The following PHAF1 variants were observed in gnomAD, a reference collection of about 807,000 sequenced individuals.
PHAF1 encodes phagophore assembly factor 1.
Under a neutral mutation model 63.1 loss-of-function variants are expected in PHAF1, and 23 were observed. That is an observed-to-expected ratio of 0.36 (90% confidence interval 0.26 to 0.52). PHAF1 has a LOEUF of 0.52. PHAF1 is among the 20% of genes least tolerant of loss of function. PHAF1 has a pLI of 0.93. For synonymous variants in PHAF1, 167 were observed against 185.0 expected, an observed-to-expected ratio of 0.90 and a Z score of 0.79; for missense variants, 427 against 517.2, an observed-to-expected ratio of 0.83 and a Z score of 1.69.
In PHAF1 at chr16:67,126,593, TGG is replaced by T. The variant is rs1491293924; in HGVS notation, c.231+552_231+553del. 4.8e-3 allele frequency among the ~76,000 whole-genome samples: 705 copies of T among 147,392 alleles called. 4 individuals carry two copies. Among genetic ancestry groups the T allele is most frequent in the African/African-American group, 0.016 (632 of 39,132 alleles). On this transcript the variant is annotated intron_variant, in intron 3 of 15. Coordinates refer to ENST00000219139, the MANE Select transcript of PHAF1 (RefSeq NM_025187.5). The stretch of plus-strand genomic sequence containing the variant: ...GTCTGGTTTTCTTTGTTTTTGTTTT[TGG>T]TTTTTTTTTTTTTTTTTGAGATGAG...
chr16:67,116,229 T>C (rs936191880), intron 1 of PHAF1, among the ~76,000 whole-genome samples: 4 of 152,216 alleles, frequency 2.6e-5, no homozygotes, highest in Admixed American at 1.3e-4. Context: ...CCAGGTTTTA[T>C]GCTATGGAAG....
chr16:67,111,054 TC>T (rs1459630397), intron 1 of PHAF1, among the ~76,000 whole-genome samples: 2 of 152,210 alleles, frequency 1.3e-5, no homozygotes, highest in Non-Finnish European at 2.9e-5. Flanking sequence ...GACCTCGTGA[TC>T]CGCCCACCTC....
At chr16:67,128,135 C>T (rs148265335) in intron 3 of PHAF1, among the ~76,000 whole-genome samples, 5 of 152,140 alleles carry the variant, frequency 3.3e-5, no homozygotes, top group East Asian at 1.9e-4. Context: ...GCAAGAAAAC[C>T]GAGGGACAGA....
At chr16:67,113,831 T>A (rs185160631) in intron 1 of PHAF1, among the ~76,000 whole-genome samples, 1 of 150,642 alleles carries the variant, frequency 6.6e-6, no homozygotes, top group East Asian at 2.0e-4. Context: ...TCACTGCAAC[T>A]TCTGCCTCTT....
rs928362304 is a variant in PHAF1, at chr16:67,120,025, T to C, written c.65-87T>C. 3 of 1,110,104 alleles carry C rather than the reference T, an allele frequency of 2.7e-6. No individual in the cohort carries two copies. The African/African-American group carries it at 4.7e-5, about 17-fold the overall frequency. 68.8% of individuals were successfully genotyped at this position (1,110,104 alleles called of 1,614,324 possible). A position where few individuals can be genotyped will look rare whatever the true frequency, so the allele number is the denominator to read the frequency against. The stretch of plus-strand genomic sequence containing the variant: ...GTAGCCCCCAAACATCCCCAGGCTT[T>C]ACTGCAGGGACCAGTGCCTAGTGAA... On this transcript the variant is annotated intron_variant, in intron 1 of 15. Transcript: ENST00000219139.
At chr16:67,119,122 A>C (rs1962873397) in intron 1 of PHAF1, among the ~76,000 whole-genome samples, 1 of 152,134 alleles carries the variant, frequency 6.6e-6, no homozygotes, top group Non-Finnish European at 1.5e-5. Flanking sequence ...ATGTACTCTA[A>C]TAGGCCTTCA....
chr16:67,114,881 G>A (rs1317903633), intron 1 of PHAF1, among the ~76,000 whole-genome samples: 1 of 152,204 alleles, frequency 6.6e-6, no homozygotes, highest in Admixed American at 6.5e-5. Context: ...TATGATGTTG[G>A]ACATAGATAT....
intron 14 of PHAF1, among the ~76,000 whole-genome samples, chr16:67,145,837 G>T (rs1472977665): frequency 6.6e-6 from 1 of 152,208 alleles, no homozygotes; most frequent in Non-Finnish European, 1.5e-5. Context: ...CCCAGGGGTA[G>T]CTCCCCTCTC....
rs1295315048 is a variant in PHAF1 at position 67,110,233 on chromosome 16, A to T, written c.58A>T (p.Thr20Ser). Residue 20 changes from threonine (T) to serine (S), a missense_variant, in exon 1 of 16, where the codon ACG becomes TCG. Coordinates refer to ENST00000219139, the MANE Select transcript of PHAF1 (RefSeq NM_025187.5). ...TCTGGGGAACGAGCAATGGGAATTCACGCTGGGTGAGTTTGGGGTCCTCTG... is the reference window on the plus strand; with the variant it reads ...TCTGGGGAACGAGCAATGGGAATTCTCGCTGGGTGAGTTTGGGGTCCTCTG... Reference protein sequence around the residue: ...RSLGNEQWEFTLGMPLAQAVA... With the variant: ...RSLGNEQWEFSLGMPLAQAVA... 1.3e-6 allele frequency: 2 copies of T among 1,552,130 alleles called. No individual in the cohort carries two copies. The highest frequency in any genetic ancestry group is 3.9e-5 in the Admixed American group (2 of 51,056).
intron 1 of PHAF1, among the ~76,000 whole-genome samples, chr16:67,119,606 C>T (rs1216021426): frequency 3.3e-5 from 5 of 151,472 alleles, no homozygotes; most frequent in East Asian, 1.9e-4. Context: ...CTGCAACCTC[C>T]GCCTCCTGGG....
rs2145881714 is a variant in PHAF1, at chr16:67,140,201, A to G, written c.795+84A>G. ...AGTATAAACTGTTTGCTATTTTCCC[A>G]TAGAACTTGTTCTAAGTAAAGCTAA... On this transcript the variant is annotated intron_variant, in intron 9 of 15. Coordinates refer to ENST00000219139, the MANE Select transcript of PHAF1 (RefSeq NM_025187.5). 3 of 1,482,850 alleles carry G rather than the reference A, an allele frequency of 2.0e-6. No homozygotes were observed. In the East Asian group the frequency reaches 7.0e-5, roughly 35 times the overall value. The allele number at this position is 1,482,850 out of a possible 1,614,324, so 91.9% of individuals were successfully genotyped here.
chr16:67,131,202 C>CT, intron 3 of PHAF1, 84 bp from the exon 4 acceptor site: 1 of 198,426 alleles, frequency 5.0e-6, no homozygotes. Context: ...TTTTTTTTTA[C>CT]TATTTATTCT....
chr16:67,143,165 C>T (rs912246198), intron 10 of PHAF1, among the ~76,000 whole-genome samples: 1 of 152,156 alleles, frequency 6.6e-6, no homozygotes, highest in Non-Finnish European at 1.5e-5. Context: ...CTGACTCCCA[C>T]AGAGGGTGTA....
intron 10 of PHAF1, among the ~76,000 whole-genome samples, chr16:67,143,114 C>G (rs889577669): frequency 9.9e-5 from 15 of 152,248 alleles, no homozygotes; most frequent in Admixed American, 9.2e-4. Flanking sequence ...AGGTCCAAGT[C>G]CTAGAGAGAG....
chr16:67,119,183 C>T (rs1962875066), intron 1 of PHAF1, among the ~76,000 whole-genome samples: 1 of 152,192 alleles, frequency 6.6e-6, no homozygotes, highest in African/African-American at 2.4e-5. Context: ...GGACCTATCT[C>T]AGGTCATATC....
chr16:67,117,107 A>C (rs1424218621), intron 1 of PHAF1, among the ~76,000 whole-genome samples: 1 of 151,110 alleles, frequency 6.6e-6, no homozygotes, highest in African/African-American at 2.4e-5. Flanking sequence ...ATCTCAGCTC[A>C]CTGCAACTTC....
chr16:67,110,029 C>A lies in PHAF1; in HGVS notation c.-147C>A. On this transcript the variant is annotated 5_prime_UTR_variant, in exon 1 of 16. The change creates a new upstream start codon in the 5' untranslated region. Transcript: ENST00000219139. Reference sequence around the variant, plus strand: ...GGTGAGGTGTGGTGTTGGGCCGGTGCTGCTGCCGCTGCCGCCGGGGAGGAG... The same window carrying A: ...GGTGAGGTGTGGTGTTGGGCCGGTGATGCTGCCGCTGCCGCCGGGGAGGAG... The A allele has an allele frequency of 1.3e-6, 1 of 767,306 alleles. No individual in the cohort carries two copies. The highest frequency in any genetic ancestry group is 2.1e-6 in the Non-Finnish European group (1 of 470,218). 47.5% of individuals were successfully genotyped at this position (767,306 alleles called of 1,614,324 possible).
At chr16:67,140,709 G>C (rs995536084) in intron 10 of PHAF1, 115 bp downstream of exon 10, 3 of 844,802 alleles carry the variant, frequency 3.6e-6, no homozygotes, top group Non-Finnish European at 5.7e-6. Context: ...GGGGAACCTA[G>C]CCCCAGCTGT....
In PHAF1 at chr16:67,147,408, A is replaced by C. The variant is rs1310227254; in HGVS notation, c.*277A>C. On this transcript the variant is annotated 3_prime_UTR_variant, in exon 16 of 16. Transcript: ENST00000219139. Reference sequence around the variant, plus strand: ...TTGATTCCTGGACCCAGGAGCTCTCAACTAACAAGGAGGCAGGAGAGGTCA... The same window carrying C: ...TTGATTCCTGGACCCAGGAGCTCTCCACTAACAAGGAGGCAGGAGAGGTCA... 2 of 458,164 alleles carry C rather than the reference A, an allele frequency of 4.4e-6. No homozygotes were observed. The highest frequency in any genetic ancestry group is 3.9e-5 in the Admixed American group (1 of 25,936). 28.4% of individuals were successfully genotyped at this position (458,164 alleles called of 1,614,324 possible). A position where few individuals can be genotyped will look rare whatever the true frequency, so the allele number is the denominator to read the frequency against.
Sources: allele counts gnomAD v4.1 joint callset (sites outside exome capture counted in the v4.1 genomes callset), GRCh38; gene constraint gnomAD v4.1.1; transcripts MANE v1.5; gene names NCBI Gene and HGNC (gene_info 2026-07-23, HGNC 2026-07-21).